Variants in VPS13B observed in about 807,000 individuals in gnomAD.
VPS13B encodes vacuolar protein sorting 13 homolog B, also known as intermembrane lipid transfer protein VPS13B.
Under a neutral mutation model 426.4 loss-of-function variants are expected in VPS13B, and 285 were observed. That is an observed-to-expected ratio of 0.67 (90% CI 0.61 to 0.74). VPS13B has a LOEUF of 0.74. Among genes scored for constraint, VPS13B ranks in the 30% least tolerant of loss-of-function variants. The probability of loss-of-function intolerance (pLI) is 0.00; values close to 1 mark genes in which losing one functional copy is unlikely to be tolerated. For synonymous variants in VPS13B, 1,676 were observed against 1,676.4 expected (o/e 1.00, Z 0.01); for missense variants, 4,537 against 4,782.6 (o/e 0.95, Z 1.51).
At chr8:99,358,037 A>ACAC (rs1563685872) in intron 19 of VPS13B, among the ~76,000 whole-genome samples, 1 of 126,386 alleles carries the variant, frequency 7.9e-6, no homozygotes, top group Non-Finnish European at 1.8e-5. Flanking sequence ...CACACACACC[A>ACAC]CACACACTTA....
intron 57 of VPS13B, among the ~76,000 whole-genome samples, chr8:99,861,445 G>A (rs1816826469): frequency 6.6e-6 from 1 of 152,174 alleles, no homozygotes; most frequent in Non-Finnish European, 1.5e-5. Context: ...GAGACTACAG[G>A]TGTGCACCAC....
At chr8:99,859,166 T>A in intron 56 of VPS13B, 138 bp from the exon 57 acceptor site, 1 of 1,078,792 alleles carries the variant, frequency 9.3e-7, no homozygotes, top group Admixed American at 2.0e-5. Context: ...ATTTCCCTTA[T>A]TTTCTTCCAA....
At chr8:99,226,284 T>A (rs953013804) in intron 17 of VPS13B, among the ~76,000 whole-genome samples, 1 of 152,140 alleles carries the variant, frequency 6.6e-6, no homozygotes, top group Non-Finnish European at 1.5e-5. Flanking sequence ...TTCTTCTTCT[T>A]GTCTGCTTAA....
At chr8:99,019,367 C>T (rs762277091) in intron 2 of VPS13B, among the ~76,000 whole-genome samples, 31 of 151,932 alleles carry the variant, frequency 2.0e-4, no homozygotes, top group African/African-American at 7.0e-4. Flanking sequence ...CGACAACACC[C>T]GGCTAATTTT....
intron 15 of VPS13B, among the ~76,000 whole-genome samples, chr8:99,162,483 G>A (rs1476509889): frequency 3.3e-5 from 5 of 152,200 alleles, no homozygotes; most frequent in Non-Finnish European, 5.9e-5. Flanking sequence ...CTCGCGGTGA[G>A]TGTTACAGCT....
At chr8:99,521,075 A>G in intron 30 of VPS13B, 65 bp downstream of exon 30, 1 of 1,274,114 alleles carries the variant, frequency 7.8e-7, no homozygotes. Context: ...TATAGTGGTC[A>G]ATAACTTAGT....
In VPS13B at chr8:99,717,290, A is replaced by G. The variant is rs1357919606; in HGVS notation, c.6574A>G (p.Lys2192Glu). Residue 2192 changes from lysine to glutamate, a missense_variant, in exon 37 of 62, where the codon AAG becomes GAG. Transcript: ENST00000357162. Reference protein sequence around the residue: ...PCCATANLEAKWCKHSGNPGP... With the variant: ...PCCATANLEAEWCKHSGNPGP... ...TTGTGCTACTGCCAATCTGGAAGCT[A>G]AGTGGTGTAAACACAGCGGGAATCC... The G allele has an allele frequency of 2.5e-6, 4 of 1,614,132 alleles. No individual in the cohort carries two copies. The highest frequency in any genetic ancestry group is 1.6e-4 in the Middle Eastern group (1 of 6,062).
At chr8:99,787,785 G>A (rs1199581671) in intron 43 of VPS13B, among the ~76,000 whole-genome samples, 1 of 152,082 alleles carries the variant, frequency 6.6e-6, no homozygotes, top group Non-Finnish European at 1.5e-5. Flanking sequence ...TCCTTTTCTA[G>A]TTAATAGAGA....
intron 27 of VPS13B, among the ~76,000 whole-genome samples, chr8:99,506,444 C>T (rs891692480): frequency 6.6e-6 from 1 of 152,088 alleles, no homozygotes; most frequent in African/African-American, 2.4e-5. Flanking sequence ...CCTGACTGTA[C>T]CGCTAAATTT....
chr8:99,636,060 G>A (rs1829054662), intron 33 of VPS13B, among the ~76,000 whole-genome samples: 3 of 151,948 alleles, frequency 2.0e-5, no homozygotes, highest in Non-Finnish European at 1.5e-5. Flanking sequence ...GCGCTGAAAT[G>A]ATCTAAGAAG....
In VPS13B at chr8:99,588,208, T is replaced by A. The variant is rs538930284; in HGVS notation, c.5220+10575T>A. ...GTTTTGGTACCAGTACCATGCTGTTTTGGTTACTGTAGCCTTGTAGTATAG... is the reference window on the plus strand; with the variant it reads ...GTTTTGGTACCAGTACCATGCTGTTATGGTTACTGTAGCCTTGTAGTATAG... On this transcript the variant is annotated intron_variant, in intron 33 of 61. Transcript: ENST00000357162. 4.0e-5 allele frequency among the ~76,000 whole-genome samples: 6 copies of A among 151,856 alleles called. No individual in the cohort carries two copies. The South Asian group carries it at 1.2e-3, about 32-fold the overall frequency.
intron 3 of VPS13B, among the ~76,000 whole-genome samples, chr8:99,078,118 G>C (rs1845238745): frequency 6.6e-6 from 1 of 151,212 alleles, no homozygotes; most frequent in African/African-American, 2.4e-5. Flanking sequence ...GTTTTCTCCT[G>C]TTTCTCACTG....
chr8:99,359,312 A>G lies in VPS13B; in HGVS notation c.2825-24896A>G, dbSNP rs939052015. Among the ~76,000 whole-genome samples the G allele has an allele frequency of 1.8e-4, 28 of 152,106 alleles. 1 individual carries two copies. On this transcript the variant is annotated intron_variant, in intron 19 of 61. Transcript: ENST00000357162. Reference sequence around the variant, plus strand: ...TATTTTAGAGTTTTGTACTTTGAACAGTTGGTTCCTTAATGTTATTGTCCA... The same window carrying G: ...TATTTTAGAGTTTTGTACTTTGAACGGTTGGTTCCTTAATGTTATTGTCCA...
Position 99,091,902 on chromosome 8 carries a change from G to T in VPS13B, c.292-4410G>T, listed in dbSNP as rs1014388232. On this transcript the variant is annotated intron_variant, in intron 3 of 61. Transcript: ENST00000357162. The stretch of plus-strand genomic sequence containing the variant: ...AAGTTTGGTGCCACAGGGTTGAAGA[G>T]CATAAAGTACATCACCTCTTAGTTT... The T allele has an allele frequency of 2.6e-5, 4 of 152,310 alleles. No homozygotes were observed. In the East Asian group the frequency reaches 7.7e-4, roughly 29 times the overall value. The allele number at this position is 152,310 out of a possible 1,614,324, so 9.4% of individuals were successfully genotyped here. A position where few individuals can be genotyped will look rare whatever the true frequency, so the allele number is the denominator to read the frequency against.
chr8:99,659,114 C>G (rs374403682), intron 34 of VPS13B, among the ~76,000 whole-genome samples: 1 of 152,056 alleles, frequency 6.6e-6, no homozygotes, highest in Non-Finnish European at 1.5e-5. Context: ...GGATTGCAGA[C>G]CCGTTGTCAG....
intron 30 of VPS13B, among the ~76,000 whole-genome samples, chr8:99,540,799 A>G (rs753121070): frequency 5.7e-4 from 87 of 152,102 alleles, no homozygotes; most frequent in South Asian, 1.0e-3. Context: ...AAACTGCATA[A>G]TTGTTCTGTG....
chr8:99,812,639 G>A (rs1247588241), intron 44 of VPS13B, among the ~76,000 whole-genome samples: 1 of 152,120 alleles, frequency 6.6e-6, no homozygotes, highest in Non-Finnish European at 1.5e-5. Context: ...TGGGAACTTT[G>A]TATGTTCTAC....
In VPS13B at chr8:99,179,688, C is replaced by T. The variant is rs1024815978; in HGVS notation, c.2333+9525C>T. On this transcript the variant is annotated intron_variant, in intron 16 of 61. Coordinates refer to ENST00000357162, the MANE Select transcript of VPS13B (RefSeq NM_152564.5). ...ACTGCTTTGTGTGATTATTTAATAG[C>T]CTTTCCCACTCGTTTTATTTTAAGC... Among the ~76,000 whole-genome samples, 3 of 152,274 alleles carry T rather than the reference C, an allele frequency of 2.0e-5. No individual in the cohort carries two copies. The East Asian group carries it at 5.8e-4, about 29-fold the overall frequency.
chr8:99,206,826 G>C (rs1814753060), intron 17 of VPS13B, among the ~76,000 whole-genome samples: 1 of 152,016 alleles, frequency 6.6e-6, no homozygotes, highest in African/African-American at 2.4e-5. Flanking sequence ...CTATTCCTCT[G>C]TTTTCAAACT....
Sources: gnomAD v4.1 joint callset for allele counts (sites outside exome capture counted in the v4.1 genomes callset) on GRCh38, gnomAD v4.1.1 for gene constraint, MANE v1.5 for transcripts, NCBI Gene and HGNC (gene_info 2026-07-23, HGNC 2026-07-21) for gene names.